OR2L13: variants seen among roughly 807,000 people sequenced by gnomAD.
The protein encoded by OR2L13 is olfactory receptor 2L13.
Under a neutral mutation model 15.3 loss-of-function variants are expected in OR2L13, and 14 were observed. The ratio of observed to expected loss-of-function variants is 0.91; its 90% confidence interval spans 0.60 to 1.43. OR2L13 has a LOEUF of 1.43. Ranked by LOEUF, OR2L13 falls within the 40% of genes most tolerant of loss-of-function variation. The pLI, the probability that OR2L13 is intolerant of heterozygous loss-of-function variation, is 0.00. For missense variants in OR2L13, 367 were observed against 387.9 expected, an observed-to-expected ratio of 0.95 and a Z score of 0.45; for synonymous variants, 152 against 142.9, an observed-to-expected ratio of 1.06 and a Z score of -0.45.
chr1:247,980,145 G>C, the OR2L13 span, among the ~76,000 whole-genome samples: 1 of 151,880 alleles, frequency 6.6e-6, no homozygotes, highest in East Asian at 1.9e-4. Flanking sequence ...ATACTCTTTG[G>C]CATAAAAATT....
chr1:248,004,434 T>G, the OR2L13 span, among the ~76,000 whole-genome samples: 1 of 152,244 alleles, frequency 6.6e-6, no homozygotes, highest in East Asian at 1.9e-4. Flanking sequence ...TTTACATTTT[T>G]GTTTATGTCT....
chr1:247,989,931 G>A, the OR2L13 span, among the ~76,000 whole-genome samples: 71 of 152,088 alleles, frequency 4.7e-4, no homozygotes, highest in African/African-American at 1.7e-3. Context: ...TTCCCCTGAA[G>A]CATTTTATCA....
chr1:248,038,695 T>C, the OR2L13 span: 7 of 1,614,088 alleles, frequency 4.3e-6, no homozygotes, highest in East Asian at 1.3e-4. Flanking sequence ...TGTGTGATGA[T>C]GATAACAGGA....
chr1:248,075,023 G>A, the OR2L13 span, among the ~76,000 whole-genome samples: 9 of 151,576 alleles, frequency 5.9e-5, no homozygotes, highest in African/African-American at 2.2e-4. Flanking sequence ...CCCTCCCCCA[G>A]ACCCCCAGCC....
At chr1:248,092,279 G>A (rs1664613822), upstream of OR2L13, among the ~76,000 whole-genome samples, 1 of 152,058 alleles carries the variant, frequency 6.6e-6, no homozygotes, top group African/African-American at 2.4e-5. Context: ...TTTCACTCTT[G>A]CCTAATTGCT....
At chr1:247,965,871 G>A in the OR2L13 span, 2,216 of 1,613,750 alleles carry the variant, frequency 1.4e-3, 27 homozygotes, top group African/African-American at 0.023. Context: ...ATGTGTTTCA[G>A]CTTCCATTCT....
At chr1:248,069,239 C>T in the OR2L13 span, among the ~76,000 whole-genome samples, 2 of 152,094 alleles carry the variant, frequency 1.3e-5, no homozygotes, top group African/African-American at 4.8e-5. Context: ...GTCGGGTTAC[C>T]CACAAAGGGA....
At chr1:247,988,256 T>C in the OR2L13 span, among the ~76,000 whole-genome samples, 1 of 152,056 alleles carries the variant, frequency 6.6e-6, no homozygotes, top group Non-Finnish European at 1.5e-5. Flanking sequence ...CTTCTAATTT[T>C]CAATACTTTT....
At chr1:248,027,181 T>G in the OR2L13 span, among the ~76,000 whole-genome samples, 1 of 152,210 alleles carries the variant, frequency 6.6e-6, no homozygotes, top group African/African-American at 2.4e-5. Flanking sequence ...CAGTCATAGA[T>G]AAGGGACGAA....
chr1:247,946,446 C>T, the OR2L13 span, among the ~76,000 whole-genome samples: 2 of 152,112 alleles, frequency 1.3e-5, no homozygotes, highest in Admixed American at 1.3e-4. Flanking sequence ...TATGATGAAG[C>T]TGCAGGTTAA....
chr1:248,024,651 G>T, the OR2L13 span, among the ~76,000 whole-genome samples: 2,652 of 152,106 alleles, frequency 0.017, 29 homozygotes, highest in Non-Finnish European at 0.029. Flanking sequence ...CAGCACCATT[G>T]ATTAAATAGG....
the OR2L13 span, among the ~76,000 whole-genome samples, chr1:247,998,155 G>C: frequency 2.2e-4 from 33 of 152,082 alleles, no homozygotes; most frequent in Non-Finnish European, 4.1e-4. Flanking sequence ...GTGCTTAAGA[G>C]GACTTTGTTT....
At chr1:248,003,009 T>C in the OR2L13 span, 2 of 646,434 alleles carry the variant, frequency 3.1e-6, no homozygotes, top group African/African-American at 3.6e-5. Context: ...AGGCTATTTA[T>C]TATAGCCTCA....
the OR2L13 span, among the ~76,000 whole-genome samples, chr1:248,035,275 C>A: frequency 0.1 from 15,635 of 151,810 alleles, 885 homozygotes; most frequent in East Asian, 0.16. Context: ...ACGGTGAAAC[C>A]CCGTCTCTAC....
At chr1:248,100,848 T>C (rs1052656977) in exon 3 of OR2L13, 1 of 167,058 alleles carries the variant, frequency 6.0e-6, no homozygotes, top group African/African-American at 2.4e-5. Context: ...GTATGGTGTA[T>C]ACAAACATAT....
At chr1:248,099,459 C>T (rs761442184) in exon 3 of OR2L13, 2 of 1,613,366 alleles carry the variant, frequency 1.2e-6, no homozygotes, top group South Asian at 2.2e-5. Flanking sequence ...TTCTCTTGTG[C>T]CTTATCATCC....
chr1:248,071,010 G>A, the OR2L13 span, among the ~76,000 whole-genome samples: 113 of 152,170 alleles, frequency 7.4e-4, no homozygotes, highest in African/African-American at 2.5e-3. Flanking sequence ...AAAGAGTCCA[G>A]GACCAGATGG....
chr1:248,054,660 C>G, the OR2L13 span, among the ~76,000 whole-genome samples: 1 of 152,060 alleles, frequency 6.6e-6, no homozygotes, highest in Non-Finnish European at 1.5e-5. Flanking sequence ...CCTTCACTTC[C>G]CTTATTAGCT....
At chr1:248,003,855 C>G in the OR2L13 span, 7 of 1,612,966 alleles carry the variant, frequency 4.3e-6, no homozygotes, top group Non-Finnish European at 5.9e-6. Flanking sequence ...ACCTGCAGCA[C>G]CCACCTCACT....
Sources: allele counts gnomAD v4.1 joint callset (sites outside exome capture counted in the v4.1 genomes callset), GRCh38; gene constraint gnomAD v4.1.1; transcripts MANE v1.5; gene names NCBI Gene and HGNC (gene_info 2026-07-23, HGNC 2026-07-21).